Variants in DCLRE1C observed in about 807,000 individuals in gnomAD.
DCLRE1C encodes the protein protein artemis.
DCLRE1C carries 47 observed loss-of-function variants against 61.4 expected under a neutral mutation model. The ratio of observed to expected loss-of-function variants is 0.77; its 90% CI spans 0.61 to 0.98. DCLRE1C has a LOEUF of 0.98. DCLRE1C is among the 50% of genes least tolerant of loss of function. The pLI, the probability that DCLRE1C is intolerant of heterozygous loss-of-function variation, is 0.00. For missense variants in DCLRE1C, 858 were observed against 816.0 expected (o/e 1.05, Z -0.63); for synonymous variants, 337 against 287.6 (o/e 1.17, Z -1.74).
At chr10:14,920,657 C>T (rs1465037475) in intron 12 of DCLRE1C, among the ~76,000 whole-genome samples, 1 of 152,152 alleles carries the variant, frequency 6.6e-6, no homozygotes, top group Non-Finnish European at 1.5e-5. Context: ...TGTCTTCCCC[C>T]ACCTACCTAC....
chr10:14,897,379 T>C, exon 14 of DCLRE1C: 2 of 1,613,334 alleles, frequency 1.2e-6, no homozygotes, highest in Admixed American at 1.7e-5. Context: ...AGTGTGGTCC[T>C]GATTGTCCCA....
At chr10:14,919,573 C>T (rs1836759901) in intron 13 of DCLRE1C, among the ~76,000 whole-genome samples, 165 bp downstream of exon 13, 1 of 152,196 alleles carries the variant, frequency 6.6e-6, no homozygotes. Context: ...ATTTTACAGG[C>T]TGAAGACAGG....
exon 14 of DCLRE1C, chr10:14,897,701 A>G (rs1175938614): frequency 9.1e-6 from 4 of 437,598 alleles, no homozygotes; most frequent in East Asian, 3.7e-5. Flanking sequence ...AAACTTTTAT[A>G]TGAATAAAAA....
chr10:14,927,889 A>G (rs1838289924), intron 10 of DCLRE1C, 127 bp downstream of exon 10: 5 of 652,528 alleles, frequency 7.7e-6, no homozygotes, highest in Non-Finnish European at 1.0e-5. Context: ...ATAAAATTTA[A>G]ATTTAAGAAA....
At chr10:14,902,762 G>C (rs1470350336), downstream of DCLRE1C, 1 of 282,498 alleles carries the variant, frequency 3.5e-6, no homozygotes, top group Admixed American at 4.7e-5. Context: ...ACTATTTACA[G>C]CTTAGTATAT....
chr10:14,917,498 AC>A (rs978208525), intron 13 of DCLRE1C, among the ~76,000 whole-genome samples: 4 of 151,846 alleles, frequency 2.6e-5, no homozygotes, highest in African/African-American at 9.7e-5. Flanking sequence ...AAAAAAAAAA[AC>A]AAAAAAAACT....
At chr10:14,918,007 C>T (rs964115830) in intron 13 of DCLRE1C, among the ~76,000 whole-genome samples, 2 of 152,174 alleles carry the variant, frequency 1.3e-5, no homozygotes, top group African/African-American at 4.8e-5. Flanking sequence ...AAAAGTCTAA[C>T]CATACCAAGT....
At chr10:14,927,239 T>A (rs1444526634) in intron 10 of DCLRE1C, among the ~76,000 whole-genome samples, 1 of 151,954 alleles carries the variant, frequency 6.6e-6, no homozygotes, top group African/African-American at 2.4e-5. Flanking sequence ...AAAAGTTAGC[T>A]CGGCATGGTG....
Position 14,908,165 on chromosome 10 carries a change from CTTTTTTT to C in DCLRE1C, c.*236_*242del, listed in dbSNP as rs750020058. 4.3e-4 allele frequency: 86 copies of C among 197,778 alleles called. 1 individual carries two copies. The highest frequency in any genetic ancestry group is 3.9e-3 in the Admixed American group (43 of 11,166). The allele number at this position is 197,778 out of a possible 1,614,324, so 12.3% of individuals were successfully genotyped here. A position where few individuals can be genotyped will look rare whatever the true frequency, so the allele number is the denominator to read the frequency against. On this transcript the variant is annotated 3_prime_UTR_variant, in exon 14 of 14. Transcript: ENST00000378278. The stretch of plus-strand genomic sequence containing the variant: ...CAGAGTAGCCCACCACCATGCCTGG[CTTTTTTT>C]TTTTTTTTTTTTTTTGTAAGTAGAG...
intron 1 of DCLRE1C, among the ~76,000 whole-genome samples, chr10:14,950,421 CCACGAGCACCACCACACACACA>C (rs1276291543): frequency 1.0e-4 from 15 of 150,430 alleles, no homozygotes. Flanking sequence ...ATTCTAATTA[CCACGAGCACCACCACACACACA>C]CACAAGCACC....
chr10:14,949,666 C>T (rs780343859), intron 1 of DCLRE1C, among the ~76,000 whole-genome samples: 6 of 152,248 alleles, frequency 3.9e-5, no homozygotes, highest in Non-Finnish European at 8.8e-5. Flanking sequence ...CCGACTATTA[C>T]ATTAAGTATA....
At chr10:14,951,099 C>A (rs1447105893) in intron 1 of DCLRE1C, among the ~76,000 whole-genome samples, 1 of 152,054 alleles carries the variant, frequency 6.6e-6, no homozygotes, top group Non-Finnish European at 1.5e-5. Context: ...TGATGTGGGG[C>A]TGGGTGTGGT....
rs752566878 is a variant in DCLRE1C, at chr10:14,905,361, T to TA, written c.*3046dup. On this transcript the variant is annotated 3_prime_UTR_variant, in exon 14 of 14. Coordinates refer to ENST00000378278, the MANE Select transcript of DCLRE1C (RefSeq NM_001033855.3). ...TTGTCACTCACCAGGTACGTAAACA[T>TA]ACTATGGTAAGTACTGCCTAGAAAT... Among the ~76,000 whole-genome samples, 58 of 152,366 alleles carry TA rather than the reference T, an allele frequency of 3.8e-4. No homozygotes were observed. The highest frequency in any genetic ancestry group is 3.4e-3 in the Middle Eastern group (1 of 294).
In DCLRE1C at chr10:14,936,725, C is replaced by G. The variant is rs992158991; in HGVS notation, c.307-132G>C. On this transcript the variant is annotated intron_variant, in intron 4 of 13. Coordinates refer to ENST00000378278, the MANE Select transcript of DCLRE1C (RefSeq NM_001033855.3). ...TGCCTTTTCTCCCAATTTCCTCACA[C>G]TCCAAATCCTAGAAACAAGTGGAAT... is the stretch of plus-strand genomic sequence containing the variant. The G allele has an allele frequency of 1.5e-5, 10 of 668,964 alleles. No individual in the cohort carries two copies. The African/African-American group carries it at 1.8e-4, about 12-fold the overall frequency. The allele number at this position is 668,964 out of a possible 1,614,324, so 41.4% of individuals were successfully genotyped here.
rs189771707 is a variant in DCLRE1C, at chr10:14,942,803, G to A, written c.246+2302C>T. On this transcript the variant is annotated intron_variant, in intron 3 of 13. Transcript: ENST00000378278. ...TTGTCAGCTTGCCCAAATGTGGGTA[G>A]GAGGGAGGCACTGGCTGCAAGCAGC... Among the ~76,000 whole-genome samples the A allele has an allele frequency of 4.1e-3, 625 of 152,184 alleles. 7 individuals are homozygous for A. Among genetic ancestry groups the A allele is most frequent in the Middle Eastern group, 6.8e-3 (2 of 294 alleles).
chr10:14,912,669 A>G (rs901784930), intron 13 of DCLRE1C, among the ~76,000 whole-genome samples: 24 of 152,166 alleles, frequency 1.6e-4, no homozygotes, highest in Non-Finnish European at 3.2e-4. Context: ...AGCCAGGCAC[A>G]AAATAGCACA....
chr10:14,913,165 C>G (rs773061650), intron 13 of DCLRE1C, among the ~76,000 whole-genome samples: 2 of 152,252 alleles, frequency 1.3e-5, no homozygotes, highest in Non-Finnish European at 2.9e-5. Context: ...CATATGAGTT[C>G]TCTTATATGA....
Position 14,917,468 on chromosome 10 carries a change from G to T in DCLRE1C, c.1156+2270C>A, listed in dbSNP as rs370334256. ...ACCTACAGAGTAGAAGAAAATCTTTGTATACACCTGATATATTTAAAAAAA... is the reference window on the plus strand; with the variant it reads ...ACCTACAGAGTAGAAGAAAATCTTTTTATACACCTGATATATTTAAAAAAA... On this transcript the variant is annotated intron_variant, in intron 13 of 13. Transcript: ENST00000378278. Among the ~76,000 whole-genome samples, 16 of 151,236 alleles carry T rather than the reference G, an allele frequency of 1.1e-4. 2 individuals carry two copies. Among genetic ancestry groups the T allele is most frequent in the African/African-American group, 3.6e-4 (15 of 41,232 alleles).
At chr10:14,901,109 A>T (rs375907585), downstream of DCLRE1C, 90 of 1,612,318 alleles carry the variant, frequency 5.6e-5, no homozygotes, top group Non-Finnish European at 7.4e-5. Flanking sequence ...TTGTACTTAA[A>T]TGGGTTCTAA....
Sources: allele counts gnomAD v4.1 joint callset (sites outside exome capture counted in the v4.1 genomes callset), GRCh38; gene constraint gnomAD v4.1.1; transcripts MANE v1.5; gene names NCBI Gene and HGNC (gene_info 2026-07-23, HGNC 2026-07-21).